Variants in NRG3 observed in about 807,000 individuals in gnomAD.
NRG3 encodes the protein neuregulin 3.
A neutral mutation model predicts 66.9 loss-of-function variants in NRG3; 31 were observed. The ratio of observed to expected loss-of-function variants is 0.46; its 90% CI spans 0.35 to 0.63. The LOEUF (loss-of-function observed/expected upper bound fraction) is 0.63. NRG3 is among the 20% of genes least tolerant of loss of function. The pLI, the probability that NRG3 is intolerant of heterozygous loss-of-function variation, is 0.00. For missense variants in NRG3, 910 were observed against 878.9 expected, an observed-to-expected ratio of 1.04 and a Z score of -0.45; for synonymous variants, 393 against 359.4, an observed-to-expected ratio of 1.09 and a Z score of -1.06.
At position 82,368,136 on chromosome 10, in the gene NRG3, G is replaced by T. The variant is rs2084659839; in HGVS notation, c.953+9268G>T. ...TGAGGCTTGATATAGGTAAAGTTGA[G>T]ATGCCTGGTATTGAGTAAACACAGG... On this transcript the variant is annotated intron_variant, in intron 2 of 8. Transcript: ENST00000372141. Among the ~76,000 whole-genome samples, 2 of 105,600 alleles carry T rather than the reference G, an allele frequency of 1.9e-5. 1 individual carries two copies. Among genetic ancestry groups the T allele is most frequent in the Admixed American group, 1.7e-4 (2 of 11,814 alleles). 69.3% of individuals were successfully genotyped at this position (105,600 alleles called of 152,430 possible).
At chr10:82,982,905 C>G (rs930037008) in intron 8 of NRG3, among the ~76,000 whole-genome samples, 6 of 152,212 alleles carry the variant, frequency 3.9e-5, no homozygotes, top group South Asian at 2.1e-4. Context: ...TAATAGTCCA[C>G]TGCAATTCCT....
chr10:82,460,159 G>A (rs975511568), intron 2 of NRG3, among the ~76,000 whole-genome samples: 7 of 152,096 alleles, frequency 4.6e-5, no homozygotes, highest in African/African-American at 1.7e-4. Flanking sequence ...GTGTAAAACA[G>A]GAATAATAGC....
At position 82,951,366 on chromosome 10, in the gene NRG3, G is replaced by A. The variant is rs1394641472; in HGVS notation, c.1055-103G>A. The A allele has an allele frequency of 3.7e-6, 3 of 800,736 alleles. No individual in the cohort carries two copies. In the East Asian group the frequency reaches 7.6e-5, roughly 20 times the overall value. The allele number at this position is 800,736 out of a possible 1,614,324, so 49.6% of individuals were successfully genotyped here. A position where few individuals can be genotyped will look rare whatever the true frequency, so the allele number is the denominator to read the frequency against. Reference sequence around the variant, plus strand: ...CCCTATTTATGACAGAAACCAAAAAGTTGGCTTTGAAAGACTCCTACCAGC... The same window carrying A: ...CCCTATTTATGACAGAAACCAAAAAATTGGCTTTGAAAGACTCCTACCAGC... On this transcript the variant is annotated intron_variant, in intron 4 of 8. Coordinates refer to ENST00000372141, the MANE Select transcript of NRG3 (RefSeq NM_001010848.4).
intron 1 of NRG3, among the ~76,000 whole-genome samples, chr10:82,027,031 T>C (rs368070866): frequency 2.0e-5 from 3 of 152,112 alleles, no homozygotes; most frequent in Non-Finnish European, 4.4e-5. Context: ...CTAATGATTT[T>C]AAATAAGGTA....
intron 3 of NRG3, among the ~76,000 whole-genome samples, chr10:82,813,743 A>T (rs2061591430): frequency 6.6e-6 from 1 of 152,200 alleles, no homozygotes; most frequent in South Asian, 2.1e-4. Context: ...AGATCTGATC[A>T]CGTTTCAGAA....
At chr10:82,894,415 A>C (rs754647190) in intron 4 of NRG3, among the ~76,000 whole-genome samples, 1 of 152,214 alleles carries the variant, frequency 6.6e-6, no homozygotes, top group African/African-American at 2.4e-5. Flanking sequence ...AGTGGGGACC[A>C]ATAGTTTTAA....
At chr10:82,066,936 G>A (rs2064508336) in intron 1 of NRG3, among the ~76,000 whole-genome samples, 1 of 152,028 alleles carries the variant, frequency 6.6e-6, no homozygotes, top group Non-Finnish European at 1.5e-5. Context: ...TCATATTAGT[G>A]TGAATCAACA....
At chr10:82,739,092 G>A (rs342363) in intron 3 of NRG3, among the ~76,000 whole-genome samples, 84,446 of 152,100 alleles carry the variant, frequency 0.56, 23,952 homozygotes, top group Admixed American at 0.61. Context: ...AAACGTGTAC[G>A]AAATCATGTA....
chr10:82,410,618 G>A (rs2136148465), intron 2 of NRG3, among the ~76,000 whole-genome samples: 1 of 151,764 alleles, frequency 6.6e-6, no homozygotes, highest in Admixed American at 6.6e-5. Context: ...GAGGTTGATG[G>A]TTGTACAACC....
At chr10:82,030,558 A>G (rs927423696) in intron 1 of NRG3, among the ~76,000 whole-genome samples, 2 of 152,126 alleles carry the variant, frequency 1.3e-5, no homozygotes, top group African/African-American at 4.8e-5. Flanking sequence ...CCTCAGGGAG[A>G]AAACGTGATT....
At chr10:82,392,894 A>ATTTTT (rs68069830) in intron 2 of NRG3, among the ~76,000 whole-genome samples, 9 of 147,132 alleles carry the variant, frequency 6.1e-5, no homozygotes, top group African/African-American at 2.4e-4. Flanking sequence ...ATATATATAT[A>ATTTTT]TATATTTTTT....
At chr10:82,953,818 CATG>C (rs1329176451) in intron 5 of NRG3, among the ~76,000 whole-genome samples, 1 of 151,694 alleles carries the variant, frequency 6.6e-6, no homozygotes, top group African/African-American at 2.4e-5. Flanking sequence ...ATGAGCCAGG[CATG>C]GTGGTGAGCA....
chr10:82,078,390 A>G (rs1332409744), intron 1 of NRG3, among the ~76,000 whole-genome samples: 2 of 152,166 alleles, frequency 1.3e-5, no homozygotes, highest in Non-Finnish European at 2.9e-5. Context: ...TTGCTCTGTC[A>G]CCCAGGCTGG....
At chr10:82,748,400 A>C (rs2134896406) in intron 3 of NRG3, among the ~76,000 whole-genome samples, 1 of 151,558 alleles carries the variant, frequency 6.6e-6, no homozygotes, top group African/African-American at 2.4e-5. Context: ...GCTATGAATA[A>C]TTACACTGGA....
chr10:82,121,273 T>A (rs1485353947), intron 1 of NRG3, among the ~76,000 whole-genome samples: 1 of 152,092 alleles, frequency 6.6e-6, no homozygotes, highest in Non-Finnish European at 1.5e-5. Context: ...TTCACCCACC[T>A]CCCAGATACT....
chr10:82,964,320 A>C (rs571442616), intron 6 of NRG3, among the ~76,000 whole-genome samples: 1 of 152,284 alleles, frequency 6.6e-6, no homozygotes, highest in African/African-American at 2.4e-5. Context: ...ATCAGAGCTT[A>C]TAGTAGGCAG....
intron 2 of NRG3, among the ~76,000 whole-genome samples, chr10:82,726,509 T>C (rs1012716646): frequency 2.0e-5 from 3 of 152,196 alleles, no homozygotes; most frequent in African/African-American, 7.2e-5. Flanking sequence ...CTGCACAAGC[T>C]CTCTTTTTGC....
intron 4 of NRG3, among the ~76,000 whole-genome samples, chr10:82,949,941 A>G (rs1187313245): frequency 3.9e-5 from 6 of 152,154 alleles, no homozygotes; most frequent in South Asian, 2.1e-4. Context: ...AAAGAAAAAC[A>G]TATCTCCTCA....
chr10:82,195,336 T>A (rs904767457), intron 1 of NRG3, among the ~76,000 whole-genome samples: 3 of 152,194 alleles, frequency 2.0e-5, no homozygotes, highest in Admixed American at 6.5e-5. Flanking sequence ...TATTTTGATG[T>A]GTATCATGAA....
Sources: gnomAD v4.1 joint callset for allele counts (sites outside exome capture counted in the v4.1 genomes callset) on GRCh38, gnomAD v4.1.1 for gene constraint, MANE v1.5 for transcripts, NCBI Gene and HGNC (gene_info 2026-07-23, HGNC 2026-07-21) for gene names.